Variants in CYP4Z1 observed in about 807,000 individuals in gnomAD.
CYP4Z1 encodes cytochrome P450 family 4 subfamily Z member 1.
CYP4Z1 carries 41 observed loss-of-function variants against 54.2 expected under a neutral mutation model. The observed-to-expected ratio is 0.76, with a 90% CI of 0.59 to 0.98. The LOEUF (loss-of-function observed/expected upper bound fraction) is 0.98, where lower values mean the gene tolerates loss of function less well. CYP4Z1 is among the 50% of genes least tolerant of loss of function. CYP4Z1 has a pLI of 0.00. For synonymous variants in CYP4Z1, 163 were observed against 206.2 expected, an observed-to-expected ratio of 0.79 and a Z score of 1.79; for missense variants, 513 against 599.0, an observed-to-expected ratio of 0.86 and a Z score of 1.50.
chr1:47,094,045 T>C (rs1209099351), intron 6 of CYP4Z1, among the ~76,000 whole-genome samples: 1 of 152,212 alleles, frequency 6.6e-6, no homozygotes, highest in African/African-American at 2.4e-5. Context: ...TTCCCAGTAC[T>C]ATGTTAAATA....
At chr1:47,096,910 G>T (rs541342239) in intron 7 of CYP4Z1, 1 of 152,174 alleles carries the variant, frequency 6.6e-6, no homozygotes, top group African/African-American at 2.4e-5. Flanking sequence ...GATTACAGGC[G>T]TGAGCCACTG....
intron 6 of CYP4Z1, among the ~76,000 whole-genome samples, chr1:47,092,775 G>C (rs1166034791): frequency 1.3e-5 from 2 of 151,274 alleles, no homozygotes; most frequent in Non-Finnish European, 3.0e-5. Flanking sequence ...TGAGGGTCTG[G>C]TTTAGGAACA....
At chr1:47,099,826 G>T (rs749771388) in intron 8 of CYP4Z1, among the ~76,000 whole-genome samples, 1 of 152,166 alleles carries the variant, frequency 6.6e-6, no homozygotes, top group Non-Finnish European at 1.5e-5. Flanking sequence ...ACTTTAAAAT[G>T]GTGAAACATA....
chr1:47,092,438 G>A (rs1277354082), intron 6 of CYP4Z1, among the ~76,000 whole-genome samples: 4 of 151,512 alleles, frequency 2.6e-5, no homozygotes, highest in African/African-American at 9.8e-5. Flanking sequence ...GCCTCTCTCA[G>A]CCTTTCTGTA....
At chr1:47,086,676 G>T (rs528909821) in intron 6 of CYP4Z1, among the ~76,000 whole-genome samples, 1 of 152,258 alleles carries the variant, frequency 6.6e-6, no homozygotes, top group African/African-American at 2.4e-5. Flanking sequence ...TTCTTTTGCT[G>T]TGCAGAAGCT....
At chr1:47,084,463 C>A (rs1644577056) in intron 4 of CYP4Z1, among the ~76,000 whole-genome samples, 157 bp from the exon 5 acceptor site, 1 of 151,892 alleles carries the variant, frequency 6.6e-6, no homozygotes, top group Non-Finnish European at 1.5e-5. Flanking sequence ...TCAGTACTGA[C>A]AAGGTGTTTC....
At chr1:47,082,571 T>G in intron 4 of CYP4Z1, 110 bp downstream of exon 4, 1 of 1,471,102 alleles carries the variant, frequency 6.8e-7, no homozygotes, top group Middle Eastern at 2.2e-4. Context: ...GCAGTTTATA[T>G]GGGGTTATTT....
intron 9 of CYP4Z1, among the ~76,000 whole-genome samples, chr1:47,108,199 T>G (rs1385138745): frequency 1.3e-5 from 2 of 152,168 alleles, no homozygotes; most frequent in Non-Finnish European, 2.9e-5. Context: ...CCTGTTACCC[T>G]GCTTTCCTTC....
At chr1:47,111,329 G>A (rs1422856156) in intron 9 of CYP4Z1, among the ~76,000 whole-genome samples, 3 of 152,060 alleles carry the variant, frequency 2.0e-5, no homozygotes, top group South Asian at 2.1e-4. Flanking sequence ...AACTACAGGC[G>A]CATGTCACCA....
chr1:47,064,022 A>G (rs1604615), upstream of CYP4Z1, among the ~76,000 whole-genome samples: 605 of 151,806 alleles, frequency 4.0e-3, 4 homozygotes, highest in African/African-American at 0.014. Flanking sequence ...AGAAAAACCT[A>G]TCAGATTAAC....
the CYP4Z1 span, among the ~76,000 whole-genome samples, chr1:47,062,027 T>C: frequency 5.9e-5 from 9 of 152,198 alleles, no homozygotes; most frequent in South Asian, 2.1e-4. Context: ...TTGAGGAACA[T>C]TCCTCAAAAT....
intron 9 of CYP4Z1, among the ~76,000 whole-genome samples, chr1:47,110,173 T>A (rs1644783523): frequency 7.3e-6 from 1 of 137,690 alleles, no homozygotes; most frequent in Non-Finnish European, 1.5e-5. Context: ...TGGCCTAGTA[T>A]GTGCCATGAA....
At chr1:47,111,894 T>C (rs533366348) in intron 9 of CYP4Z1, among the ~76,000 whole-genome samples, 1 of 152,294 alleles carries the variant, frequency 6.6e-6, no homozygotes, top group African/African-American at 2.4e-5. Flanking sequence ...AAAGCAAAAT[T>C]ACAAAATCAA....
the CYP4Z1 span, among the ~76,000 whole-genome samples, chr1:47,056,617 A>G: frequency 1.3e-5 from 2 of 152,192 alleles, no homozygotes; most frequent in Non-Finnish European, 2.9e-5. Flanking sequence ...TATTGGGTGC[A>G]TGTATATTTC....
the CYP4Z1 span, among the ~76,000 whole-genome samples, chr1:47,061,930 G>T: frequency 6.6e-6 from 1 of 152,046 alleles, no homozygotes; most frequent in African/African-American, 2.4e-5. Flanking sequence ...AAGTATAAAA[G>T]TCACTTGATT....
chr1:47,090,556 G>A (rs2758731), intron 6 of CYP4Z1, among the ~76,000 whole-genome samples: 2 of 152,216 alleles, frequency 1.3e-5, no homozygotes, highest in East Asian at 1.9e-4. Context: ...GTTAAAAAGA[G>A]GTTTTAGTAT....
At position 47,114,264 on chromosome 1, in the gene CYP4Z1, C is replaced by T. The variant is rs1355425989; in HGVS notation, c.1202-1265C>T. On this transcript the variant is annotated intron_variant, in intron 9 of 11. Coordinates refer to ENST00000334194, the MANE Select transcript of CYP4Z1 (RefSeq NM_178134.3). ...CATATGCAGAAAGCTGAAACTGGAT[C>T]CCTTCCTTACACCTTATACAAAAAT... Among the ~76,000 whole-genome samples the T allele has an allele frequency of 3.9e-5, 6 of 152,164 alleles. No homozygotes were observed. The East Asian group carries it at 1.2e-3, about 29-fold the overall frequency.
intron 8 of CYP4Z1, 37 bp from the exon 9 acceptor site, chr1:47,106,091 A>C (rs1553157068): frequency 2.5e-6 from 4 of 1,595,152 alleles, no homozygotes; most frequent in East Asian, 2.2e-5. Context: ...CTAAGTGACT[A>C]CTCCTCCTTT....
chr1:47,100,023 A>G (rs537097310), intron 8 of CYP4Z1, among the ~76,000 whole-genome samples: 30 of 152,042 alleles, frequency 2.0e-4, no homozygotes, highest in African/African-American at 6.3e-4. Context: ...TCCTGACTTT[A>G]ATAACATTCA....
Sources: allele counts gnomAD v4.1 joint callset (sites outside exome capture counted in the v4.1 genomes callset), GRCh38; gene constraint gnomAD v4.1.1; transcripts MANE v1.5; gene names NCBI Gene and HGNC (gene_info 2026-07-23, HGNC 2026-07-21).